CCNH: variants seen among roughly 807,000 people sequenced by gnomAD.
CCNH encodes cyclin-H.
A neutral mutation model predicts 41.9 loss-of-function variants in CCNH; 31 were observed. The ratio of observed to expected loss-of-function variants is 0.74; its 90% CI spans 0.56 to 1.00. The LOEUF (loss-of-function observed/expected upper bound fraction) is 1.00. Ranked by LOEUF, CCNH falls within the 50% of genes least tolerant of loss-of-function variation. The pLI, the probability that CCNH is intolerant of heterozygous loss-of-function variation, is 0.00. For missense variants in CCNH, 362 were observed against 388.4 expected (o/e 0.93, Z 0.57); for synonymous variants, 138 against 136.1 (o/e 1.01, Z -0.10).
upstream of CCNH, among the ~76,000 whole-genome samples, chr5:87,381,055 T>G (rs751981641): frequency 1.6e-4 from 24 of 152,162 alleles, no homozygotes; most frequent in Non-Finnish European, 3.2e-4. Flanking sequence ...GTACCATAAT[T>G]AGGAAGAACT....
intron 9 of CCNH, among the ~76,000 whole-genome samples, chr5:87,343,465 T>C (rs1483185347): frequency 1.3e-5 from 2 of 152,084 alleles, no homozygotes; most frequent in Non-Finnish European, 2.9e-5. Context: ...TATGAAAAAA[T>C]GCTCACCATT....
intron 7 of CCNH, 131 bp from the exon 8 acceptor site, chr5:87,395,235 G>T (rs1207829209): frequency 1.6e-6 from 1 of 635,004 alleles, no homozygotes; most frequent in South Asian, 2.6e-5. Context: ...AATGGAAAAA[G>T]ATAAACAGCT....
intron 6 of CCNH, among the ~76,000 whole-genome samples, chr5:87,400,974 C>G (rs576056288): frequency 6.6e-6 from 1 of 152,312 alleles, no homozygotes; most frequent in East Asian, 1.9e-4. Flanking sequence ...ACTTTTTGGG[C>G]TGGATAAGTC....
intron 4 of CCNH, among the ~76,000 whole-genome samples, chr5:87,405,480 C>T (rs533624593): frequency 1.3e-5 from 2 of 152,132 alleles, no homozygotes; most frequent in South Asian, 2.1e-4. Flanking sequence ...CCTCCTATTT[C>T]CTGACAGTTC....
downstream of CCNH, chr5:87,392,782 T>G (rs1184534982): frequency 1.3e-5 from 2 of 155,832 alleles, no homozygotes; most frequent in Non-Finnish European, 2.8e-5. Flanking sequence ...TTGTAGGCCC[T>G]CTAGTAACTA....
At position 87,409,366 on chromosome 5, in the gene CCNH, A is replaced by G. The variant is rs1764051330; in HGVS notation, c.241-3T>C. On this transcript the variant is annotated splice_polypyrimidine_tract_variant and splice_region_variant and intron_variant, in intron 2 of 8. Transcript: ENST00000256897. ...TTGAAATACATACAAGCCGTACCCTAAGGGTTAAAAAAAATATATCATCAG... is the reference window on the plus strand; with the variant it reads ...TTGAAATACATACAAGCCGTACCCTGAGGGTTAAAAAAAATATATCATCAG... 1 of 1,502,162 alleles carries G rather than the reference A, an allele frequency of 6.7e-7. No homozygotes were observed. Among genetic ancestry groups the G allele is most frequent in the South Asian group, 1.2e-5 (1 of 86,038 alleles). The allele number at this position is 1,502,162 out of a possible 1,614,324, so 93.1% of individuals were successfully genotyped here.
At chr5:87,330,796 A>G (rs1229625306) in intron 9 of CCNH, 5 of 453,698 alleles carry the variant, frequency 1.1e-5, no homozygotes, top group East Asian at 6.9e-5. Context: ...GTCATGGAGT[A>G]GATTATCTTA....
At chr5:87,322,585 C>T (rs529406821) in intron 9 of CCNH, among the ~76,000 whole-genome samples, 1 of 152,088 alleles carries the variant, frequency 6.6e-6, no homozygotes. Context: ...CTAGCTCTCC[C>T]TTTGCCTTCT....
intron 9 of CCNH, among the ~76,000 whole-genome samples, chr5:87,335,925 T>C (rs1454498153): frequency 6.6e-6 from 1 of 152,218 alleles, no homozygotes; most frequent in Non-Finnish European, 1.5e-5. Context: ...TTGGATTCCA[T>C]ATTACAACTA....
intron 9 of CCNH, chr5:87,363,626 G>A: frequency 8.9e-7 from 1 of 1,123,604 alleles, no homozygotes; most frequent in Non-Finnish European, 1.3e-6. Flanking sequence ...GCACTTTCTA[G>A]GTAATTTTTG....
At chr5:87,318,272 A>T (rs1408425029), downstream of CCNH, 2 of 152,216 alleles carry the variant, frequency 1.3e-5, no homozygotes, top group Non-Finnish European at 2.9e-5. Context: ...GGCCTGTTAG[A>T]GGAGGAGTTT....
intron 9 of CCNH, among the ~76,000 whole-genome samples, chr5:87,357,782 T>A (rs1759763695): frequency 6.6e-6 from 1 of 152,202 alleles, no homozygotes; most frequent in Non-Finnish European, 1.5e-5. Context: ...TAAGAATTAC[T>A]TGAGATATGT....
intron 9 of CCNH, among the ~76,000 whole-genome samples, chr5:87,350,414 C>G (rs1303702442): frequency 6.6e-6 from 1 of 151,660 alleles, no homozygotes; most frequent in African/African-American, 2.4e-5. Flanking sequence ...TTAGAACATA[C>G]AAAATAATGC....
chr5:87,396,487 T>C (rs1762974059), intron 7 of CCNH, among the ~76,000 whole-genome samples: 1 of 152,104 alleles, frequency 6.6e-6, no homozygotes, highest in Non-Finnish European at 1.5e-5. Flanking sequence ...TAGCTGGGCA[T>C]GTTGGCATGC....
At chr5:87,319,829 G>A (rs1245325368) in intron 9 of CCNH, among the ~76,000 whole-genome samples, 1 of 152,266 alleles carries the variant, frequency 6.6e-6, no homozygotes, top group African/African-American at 2.4e-5. Context: ...CCCAAAATGG[G>A]TTTGTCTTTT....
downstream of CCNH, chr5:87,390,976 GCA>G (rs1174492057): frequency 3.1e-6 from 4 of 1,286,122 alleles, no homozygotes; most frequent in African/African-American, 1.5e-5. Context: ...CCAAAAAATA[GCA>G]CACTTTTCCA....
intron 9 of CCNH, chr5:87,363,533 C>A: frequency 6.3e-7 from 1 of 1,598,044 alleles, no homozygotes; most frequent in Non-Finnish European, 8.6e-7. Flanking sequence ...ATTTTTCTTT[C>A]GGAATTGTCT....
At chr5:87,373,461 C>T (rs1761097702), downstream of CCNH, among the ~76,000 whole-genome samples, 1 of 151,964 alleles carries the variant, frequency 6.6e-6, no homozygotes, top group South Asian at 2.1e-4. Flanking sequence ...GGAATCAGTC[C>T]CCCACAGATA....
At chr5:87,404,776 A>G (rs1763662082) in intron 5 of CCNH, 68 bp downstream of exon 5, 1 of 1,228,784 alleles carries the variant, frequency 8.1e-7, no homozygotes, top group African/African-American at 1.5e-5. Context: ...GATTACAGTC[A>G]GAAATGATTC....
Sources: allele counts gnomAD v4.1 joint callset (sites outside exome capture counted in the v4.1 genomes callset), GRCh38; gene constraint gnomAD v4.1.1; transcripts MANE v1.5; gene names NCBI Gene and HGNC (gene_info 2026-07-23, HGNC 2026-07-21).